Variants in ANKS1B observed in about 807,000 individuals in gnomAD.
ANKS1B encodes the protein ankyrin repeat and sterile alpha motif domain-containing protein 1B.
A neutral mutation model predicts 148.3 loss-of-function variants in ANKS1B; 36 were observed. That is an observed-to-expected ratio of 0.24 (90% CI 0.19 to 0.32). The LOEUF is 0.32. Ranked by LOEUF, ANKS1B falls within the 10% of genes least tolerant of loss-of-function variation. The probability of loss-of-function intolerance (pLI) is 1.00; values close to 1 mark genes in which losing one functional copy is unlikely to be tolerated. For missense variants in ANKS1B, 1,157 were observed against 1,542.6 expected (o/e 0.75, Z 4.19); for synonymous variants, 542 against 560.8 (o/e 0.97, Z 0.47).
chr12:99,350,506 G>A (rs928402055), intron 12 of ANKS1B, among the ~76,000 whole-genome samples: 1 of 152,098 alleles, frequency 6.6e-6, no homozygotes, highest in Middle Eastern at 3.4e-3. Context: ...AGACATCCCA[G>A]TTCTGAGGCA....
At chr12:98,735,840 A>G (rs2097770065) in intron 9 of ANKS1B, among the ~76,000 whole-genome samples, 1 of 152,152 alleles carries the variant, frequency 6.6e-6, no homozygotes, top group African/African-American at 2.4e-5. Context: ...ATTTGGTGGT[A>G]TGTACAAGCG....
chr12:99,074,275 A>C (rs986638354), intron 16 of ANKS1B, among the ~76,000 whole-genome samples: 1 of 152,062 alleles, frequency 6.6e-6, no homozygotes, highest in Non-Finnish European at 1.5e-5. Context: ...TTAGGAGTAA[A>C]AGTGATATTT....
At chr12:99,407,626 A>G (rs889860729) in intron 11 of ANKS1B, among the ~76,000 whole-genome samples, 2 of 146,304 alleles carry the variant, frequency 1.4e-5, no homozygotes, top group Non-Finnish European at 3.0e-5. Flanking sequence ...CTACCAAAAA[A>G]CTATTAGAAC....
intron 1 of ANKS1B, among the ~76,000 whole-genome samples, chr12:99,841,555 C>T (rs2085749720): frequency 6.6e-6 from 1 of 151,884 alleles, no homozygotes; most frequent in Non-Finnish European, 1.5e-5. Flanking sequence ...CAGAATAATT[C>T]AACCAACATA....
chr12:98,805,212 T>C (rs1201079049), intron 20 of ANKS1B, among the ~76,000 whole-genome samples: 2 of 152,186 alleles, frequency 1.3e-5, no homozygotes, highest in African/African-American at 4.8e-5. Context: ...TAGGTTCATG[T>C]ATTTGAAAGA....
intron 16 of ANKS1B, among the ~76,000 whole-genome samples, chr12:99,065,601 T>C (rs2043874699): frequency 7.9e-6 from 1 of 126,456 alleles, no homozygotes; most frequent in Non-Finnish European, 1.7e-5. Flanking sequence ...CATCCATCCA[T>C]CCATCCATCC....
intron 1 of ANKS1B, among the ~76,000 whole-genome samples, chr12:99,843,868 A>C (rs1037697705): frequency 3.3e-5 from 5 of 152,006 alleles, no homozygotes; most frequent in Non-Finnish European, 7.4e-5. Flanking sequence ...TTACACCCCC[A>C]CCAGCAGTGT....
intron 14 of ANKS1B, among the ~76,000 whole-genome samples, chr12:99,185,206 T>C (rs556227003): frequency 6.6e-6 from 1 of 152,320 alleles, no homozygotes; most frequent in African/African-American, 2.4e-5. Context: ...GATCCTAGAT[T>C]ACCATGCCAT....
intron 17 of ANKS1B, among the ~76,000 whole-genome samples, chr12:98,977,286 A>C (rs912654185): frequency 1.3e-5 from 2 of 152,162 alleles, no homozygotes; most frequent in Admixed American, 1.3e-4. Context: ...TTATGAAAAA[A>C]CCTTGTTCAA....
At chr12:99,456,895 A>C (rs944220598) in intron 10 of ANKS1B, among the ~76,000 whole-genome samples, 9 of 152,182 alleles carry the variant, frequency 5.9e-5, no homozygotes, top group African/African-American at 2.2e-4. Context: ...AGAGATCTAG[A>C]CATCCAAATA....
intron 11 of ANKS1B, among the ~76,000 whole-genome samples, chr12:99,416,104 AGGAT>A (rs777350584): frequency 3.3e-5 from 5 of 152,238 alleles, no homozygotes; most frequent in Non-Finnish European, 7.3e-5. Context: ...CTATATTAAT[AGGAT>A]CACACAGTAT....
intron 14 of ANKS1B, among the ~76,000 whole-genome samples, chr12:99,179,667 T>C (rs1296690384): frequency 6.6e-6 from 1 of 152,074 alleles, no homozygotes; most frequent in African/African-American, 2.4e-5. Flanking sequence ...GACTCCTAAT[T>C]ATGTGACCAT....
At chr12:99,511,507 A>G (rs534362989) in intron 9 of ANKS1B, among the ~76,000 whole-genome samples, 1 of 152,170 alleles carries the variant, frequency 6.6e-6, no homozygotes, top group East Asian at 1.9e-4. Context: ...ATTTATAGAC[A>G]ATGCTATTCC....
chr12:99,330,462 TC>T (rs984667306), intron 12 of ANKS1B, among the ~76,000 whole-genome samples: 1 of 151,902 alleles, frequency 6.6e-6, no homozygotes, highest in Non-Finnish European at 1.5e-5. Context: ...AACCAGATGA[TC>T]CTCAGGAACC....
At chr12:99,780,506 T>A (rs1318836869) in intron 5 of ANKS1B, among the ~76,000 whole-genome samples, 1 of 151,988 alleles carries the variant, frequency 6.6e-6, no homozygotes, top group Non-Finnish European at 1.5e-5. Flanking sequence ...ATGGTCTCGA[T>A]ATCCTGACCT....
rs1380112658 is a variant in ANKS1B, at chr12:99,123,810, T to G, written c.2526+30479A>C. ...CTTTTATCCCAGCCACACTGGAAGT[T>G]GATTAGATGGTGCCCACCCAGATTG... is the stretch of plus-strand genomic sequence containing the variant. On this transcript the variant is annotated intron_variant, in intron 15 of 26. Coordinates refer to ENST00000683438, the MANE Select transcript of ANKS1B (RefSeq NM_001352186.2). Among the ~76,000 whole-genome samples the G allele has an allele frequency of 2.0e-5, 3 of 152,144 alleles. 1 individual carries two copies. The highest frequency in any genetic ancestry group is 7.2e-5 in the African/African-American group (3 of 41,436).
intron 8 of ANKS1B, among the ~76,000 whole-genome samples, chr12:99,768,825 G>GAAAAAAA (rs71088151): frequency 4.3e-5 from 3 of 69,402 alleles, no homozygotes; most frequent in Non-Finnish European, 7.9e-5. Context: ...CTCCGTCTCA[G>GAAAAAAA]AAAAAAAAAA....
At chr12:99,007,927 G>A (rs915226502) in intron 17 of ANKS1B, among the ~76,000 whole-genome samples, 2 of 151,800 alleles carry the variant, frequency 1.3e-5, no homozygotes, top group Non-Finnish European at 1.5e-5. Context: ...CATGAGAGGC[G>A]TGACTCTGGC....
intron 17 of ANKS1B, among the ~76,000 whole-genome samples, chr12:98,960,180 C>T (rs572917280): frequency 6.6e-6 from 1 of 152,176 alleles, no homozygotes; most frequent in South Asian, 2.1e-4. Flanking sequence ...TGGGTGAGAC[C>T]CAATGCTGTG....
Sources: allele counts gnomAD v4.1 joint callset (sites outside exome capture counted in the v4.1 genomes callset), GRCh38; gene constraint gnomAD v4.1.1; transcripts MANE v1.5; gene names NCBI Gene and HGNC (gene_info 2026-07-23, HGNC 2026-07-21).